DCLRE1C: variants seen among roughly 807,000 people sequenced by gnomAD.
DCLRE1C encodes DNA cross-link repair 1C.
A neutral mutation model predicts 61.4 loss-of-function variants in DCLRE1C; 47 were observed. The ratio of observed to expected loss-of-function variants is 0.77; its 90% CI spans 0.61 to 0.98. The LOEUF (loss-of-function observed/expected upper bound fraction) is 0.98. Ranked by LOEUF, DCLRE1C falls within the 50% of genes least tolerant of loss-of-function variation. The pLI is 0.00. For missense variants in DCLRE1C, 858 were observed against 816.0 expected (o/e 1.05, Z -0.63); for synonymous variants, 337 against 287.6 (o/e 1.17, Z -1.74).
intron 12 of DCLRE1C, 23 bp from the exon 13 acceptor site, chr10:14,919,855 A>AT (rs1166938619): frequency 2.5e-6 from 4 of 1,585,322 alleles, no homozygotes; most frequent in Non-Finnish European, 3.5e-6. Context: ...AGAATATTTG[A>AT]TTTTTCCTTT....
At chr10:14,919,943 C>T (rs1836830294) in intron 12 of DCLRE1C, 111 bp from the exon 13 acceptor site, 2 of 853,516 alleles carry the variant, frequency 2.3e-6, no homozygotes, top group Non-Finnish European at 3.8e-6. Flanking sequence ...TTCTTGGATC[C>T]CTGTTTTTAA....
rs1024324480 is a variant in DCLRE1C, at chr10:14,906,266, A to G, written c.*2142T>C. ...GTGGTTGTGAAAATTAAAGGAGTTC[A>G]TATAGTCTGTAAAAAACTTAAGAGC... On this transcript the variant is annotated 3_prime_UTR_variant, in exon 14 of 14. Transcript: ENST00000378278. Among the ~76,000 whole-genome samples, 5 of 152,362 alleles carry G rather than the reference A, an allele frequency of 3.3e-5. No individual in the cohort carries two copies. Among genetic ancestry groups the G allele is most frequent in the Non-Finnish European group, 7.3e-5 (5 of 68,034 alleles).
chr10:14,934,294 C>T, intron 8 of DCLRE1C, 86 bp downstream of exon 8: 2 of 1,571,216 alleles, frequency 1.3e-6, no homozygotes, highest in Non-Finnish European at 1.7e-6. Flanking sequence ...CGTCACTACA[C>T]TCCAGCCTGG....
At position 14,906,069 on chromosome 10, in the gene DCLRE1C, C is replaced by T. The variant is rs1395184174; in HGVS notation, c.*2339G>A. Among the ~76,000 whole-genome samples the T allele has an allele frequency of 6.6e-6, 1 of 152,206 alleles. No homozygotes were observed. Among genetic ancestry groups the T allele is most frequent in the Non-Finnish European group, 1.5e-5 (1 of 68,042 alleles). ...CAAGTAGCTGCTACAATTAACCCTG[C>T]TCATGTTTATACTTTTTTGGAGAGA... On this transcript the variant is annotated 3_prime_UTR_variant, in exon 14 of 14. Transcript: ENST00000378278.
At chr10:14,947,076 G>C (rs895345779) in intron 2 of DCLRE1C, among the ~76,000 whole-genome samples, 2 of 152,124 alleles carry the variant, frequency 1.3e-5, no homozygotes, top group Non-Finnish European at 2.9e-5. Context: ...GTTGGGCTTA[G>C]AGGCACGTGC....
At chr10:14,951,523 T>C (rs751917345) in intron 1 of DCLRE1C, among the ~76,000 whole-genome samples, 3 of 151,838 alleles carry the variant, frequency 2.0e-5, no homozygotes, top group Non-Finnish European at 4.4e-5. Flanking sequence ...GATACCATAG[T>C]TGGCCTTCAC....
intron 11 of DCLRE1C, among the ~76,000 whole-genome samples, chr10:14,924,650 C>T (rs1446439246): frequency 6.6e-6 from 1 of 151,988 alleles, no homozygotes; most frequent in African/African-American, 2.4e-5. Context: ...AGTTCGAGAC[C>T]AACCTGGCTA....
chr10:14,945,241 T>A (rs1457849465), intron 2 of DCLRE1C, 52 bp from the exon 3 acceptor site: 3 of 1,548,068 alleles, frequency 1.9e-6, no homozygotes, highest in Non-Finnish European at 2.7e-6. Flanking sequence ...TGAGCCATCT[T>A]GGTGACTAAG....
downstream of DCLRE1C, chr10:14,903,934 C>G (rs540412361): frequency 3.3e-5 from 5 of 152,218 alleles, no homozygotes; most frequent in South Asian, 6.2e-4. Flanking sequence ...ATTGCTATGA[C>G]AACTTCACTC....
chr10:14,897,413 C>G (rs779970656), exon 14 of DCLRE1C: 1 of 1,613,282 alleles, frequency 6.2e-7, no homozygotes, highest in African/African-American at 1.3e-5. Flanking sequence ...AAAAGGCACA[C>G]AGTATTCGCT....
chr10:14,925,295 G>A (rs1193088528), intron 11 of DCLRE1C, among the ~76,000 whole-genome samples: 2 of 149,116 alleles, frequency 1.3e-5, no homozygotes, highest in Non-Finnish European at 3.0e-5. Flanking sequence ...ACTTCTCAGA[G>A]ATGAAATGGC....
At chr10:14,920,715 C>T (rs953342828) in intron 12 of DCLRE1C, among the ~76,000 whole-genome samples, 11 of 152,210 alleles carry the variant, frequency 7.2e-5, no homozygotes, top group African/African-American at 2.7e-4. Flanking sequence ...GGTGCGGTGG[C>T]TCATGCCTGG....
chr10:14,913,733 G>C (rs749368794), intron 13 of DCLRE1C, among the ~76,000 whole-genome samples: 2 of 152,088 alleles, frequency 1.3e-5, no homozygotes, highest in African/African-American at 2.4e-5. Flanking sequence ...CACTGTATTA[G>C]GTATAAGTAA....
downstream of DCLRE1C, chr10:14,899,835 T>C (rs550100723): frequency 5.2e-5 from 49 of 947,026 alleles, no homozygotes; most frequent in Non-Finnish European, 9.1e-6. Flanking sequence ...TGTTAAGTTA[T>C]GGTATTATTG....
rs1415952861 is a variant in DCLRE1C at position 14,906,171 on chromosome 10, C to G, written c.*2237G>C. Among the ~76,000 whole-genome samples the G allele has an allele frequency of 1.3e-5, 2 of 152,164 alleles. No individual in the cohort carries two copies. The highest frequency in any genetic ancestry group is 2.1e-4 in the South Asian group (1 of 4,830). ...TTTGAATTCTGCCTGTGCCTCATAG[C>G]TATGTGAACTAACCTCTGTGCCTTT... On this transcript the variant is annotated 3_prime_UTR_variant, in exon 14 of 14. Coordinates refer to ENST00000378278, the MANE Select transcript of DCLRE1C (RefSeq NM_001033855.3).
rs1280225240 is a variant in DCLRE1C, at chr10:14,940,287, TTTA to T, written c.247-421_247-419del. Among the ~76,000 whole-genome samples the T allele has an allele frequency of 5.9e-3, 502 of 85,030 alleles. 14 individuals are homozygous for T. Among genetic ancestry groups the T allele is most frequent in the African/African-American group, 0.018 (460 of 25,082 alleles). The allele number at this position is 85,030 out of a possible 152,430, so 55.8% of individuals were successfully genotyped here. On this transcript the variant is annotated intron_variant, in intron 3 of 13. Coordinates refer to ENST00000378278, the MANE Select transcript of DCLRE1C (RefSeq NM_001033855.3). ...ACATGGATGCTTCATACACGGTTCT[TTTA>T]TTTTTTTTTTTTTTCTCAGATGCAT... is the stretch of plus-strand genomic sequence containing the variant.
intron 4 of DCLRE1C, among the ~76,000 whole-genome samples, chr10:14,937,345 G>C (rs1427361847): frequency 6.8e-6 from 1 of 147,028 alleles, no homozygotes; most frequent in Non-Finnish European, 1.5e-5. Context: ...GAGTGCGATG[G>C]TGTGATCTTG....
At chr10:14,948,673 C>T (rs145177196) in intron 2 of DCLRE1C, among the ~76,000 whole-genome samples, 1 of 151,730 alleles carries the variant, frequency 6.6e-6, no homozygotes, top group East Asian at 1.9e-4. Context: ...GCCAGGAGTT[C>T]GAGATCAGCC....
At chr10:14,941,926 T>C (rs1840922522) in intron 3 of DCLRE1C, among the ~76,000 whole-genome samples, 2 of 152,176 alleles carry the variant, frequency 1.3e-5, no homozygotes. Context: ...GATTTCCTAT[T>C]TCTTGCCCTG....
Sources: gnomAD v4.1 joint callset for allele counts (sites outside exome capture counted in the v4.1 genomes callset) on GRCh38, gnomAD v4.1.1 for gene constraint, MANE v1.5 for transcripts, NCBI Gene and HGNC (gene_info 2026-07-23, HGNC 2026-07-21) for gene names.